Variants in FSHR observed in about 807,000 individuals in gnomAD.
FSHR encodes the protein follicle-stimulating hormone receptor.
FSHR carries 46 observed loss-of-function variants against 52.1 expected under a neutral mutation model. The observed-to-expected ratio is 0.88, with a 90% CI of 0.70 to 1.13. The LOEUF (loss-of-function observed/expected upper bound fraction) is 1.13. Ranked by LOEUF, FSHR falls within the 50% of genes most tolerant of loss-of-function variation. The pLI is 0.00. For missense variants in FSHR, 964 were observed against 834.6 expected, an observed-to-expected ratio of 1.16 and a Z score of -1.91; for synonymous variants, 399 against 309.6, an observed-to-expected ratio of 1.29 and a Z score of -3.03.
intron 1 of FSHR, among the ~76,000 whole-genome samples, chr2:49,139,229 C>A (rs1672590658): frequency 1.3e-5 from 2 of 152,186 alleles, no homozygotes; most frequent in Admixed American, 1.3e-4. Context: ...TGTCTACCAT[C>A]TATTTTGGGT....
At chr2:49,003,923 G>T (rs967921503) in intron 4 of FSHR, among the ~76,000 whole-genome samples, 2 of 152,146 alleles carry the variant, frequency 1.3e-5, no homozygotes, top group Non-Finnish European at 2.9e-5. Flanking sequence ...TCAATGTGTG[G>T]CCTGTCCCAG....
chr2:48,974,751 T>A (rs1674905935), intron 8 of FSHR, among the ~76,000 whole-genome samples: 1 of 59,876 alleles, frequency 1.7e-5, no homozygotes, highest in South Asian at 4.3e-4. Context: ...CATAGAAATT[T>A]ATATTAGCCA....
chr2:49,072,668 G>A (rs985764964), intron 1 of FSHR, among the ~76,000 whole-genome samples: 4 of 152,114 alleles, frequency 2.6e-5, no homozygotes, highest in Admixed American at 6.5e-5. Context: ...ATTAGATAAA[G>A]TTTAATCTAC....
intron 1 of FSHR, among the ~76,000 whole-genome samples, chr2:49,085,258 C>T (rs1341764049): frequency 6.6e-6 from 1 of 152,218 alleles, no homozygotes. Flanking sequence ...ATGATTATCT[C>T]GATAGATGCA....
At chr2:49,032,773 T>A (rs527539665) in intron 2 of FSHR, among the ~76,000 whole-genome samples, 2 of 152,298 alleles carry the variant, frequency 1.3e-5, no homozygotes, top group African/African-American at 4.8e-5. Flanking sequence ...TGGTGTTCCT[T>A]CAAGCACGCA....
At chr2:48,993,626 G>A (rs1675884368) in intron 4 of FSHR, among the ~76,000 whole-genome samples, 1 of 152,098 alleles carries the variant, frequency 6.6e-6, no homozygotes, top group East Asian at 1.9e-4. Context: ...TTACTCCTTT[G>A]CTGCTAAGGC....
chr2:48,991,509 T>C (rs1675778013), intron 4 of FSHR, among the ~76,000 whole-genome samples: 1 of 152,118 alleles, frequency 6.6e-6, no homozygotes, highest in Admixed American at 6.5e-5. Flanking sequence ...GGTGACCCTA[T>C]GGTGTTAATT....
chr2:49,079,150 C>T (rs12622919), intron 1 of FSHR, among the ~76,000 whole-genome samples: 38,283 of 151,528 alleles, frequency 0.25, 5,143 homozygotes, highest in East Asian at 0.47. Context: ...AAAGTTATAC[C>T]ATATCAAGAA....
chr2:49,094,928 G>C (rs564540203), intron 1 of FSHR, among the ~76,000 whole-genome samples: 1 of 150,656 alleles, frequency 6.6e-6, no homozygotes, highest in Non-Finnish European at 1.5e-5. Flanking sequence ...GAAGAGAGAA[G>C]ACCCAAATTA....
chr2:48,981,739 T>C (rs1364228371), intron 8 of FSHR, among the ~76,000 whole-genome samples: 1 of 152,244 alleles, frequency 6.6e-6, no homozygotes, highest in Non-Finnish European at 1.5e-5. Flanking sequence ...AGTCTAATTC[T>C]AGAGGTACAC....
intron 4 of FSHR, among the ~76,000 whole-genome samples, chr2:49,015,509 C>T (rs72827257): frequency 0.047 from 7,082 of 152,192 alleles, 534 homozygotes; most frequent in East Asian, 0.23. Flanking sequence ...AAGCCATGTG[C>T]GTCTCTCAGA....
At chr2:49,087,745 G>C (rs1165206027) in intron 1 of FSHR, among the ~76,000 whole-genome samples, 1 of 152,180 alleles carries the variant, frequency 6.6e-6, no homozygotes, top group Non-Finnish European at 1.5e-5. Context: ...GGCGAAAGAT[G>C]TGGGAGAGGA....
chr2:48,962,670 C>T lies in FSHR; in HGVS notation c.*63G>A, dbSNP rs1674278492. 3.3e-6 allele frequency: 5 copies of T among 1,503,356 alleles called. No individual in the cohort carries two copies. Among genetic ancestry groups the T allele is most frequent in the Non-Finnish European group, 4.6e-6 (5 of 1,081,058 alleles). 93.1% of individuals were successfully genotyped at this position (1,503,356 alleles called of 1,614,324 possible). On this transcript the variant is annotated 3_prime_UTR_variant, in exon 10 of 10. Transcript: ENST00000406846. ...TAGAAGCACTGTCAGCTCTTTGTGA[C>T]ATACCCTTCAAAGGCAAGACTGAAT... is the stretch of plus-strand genomic sequence containing the variant.
At chr2:49,023,303 C>A (rs982913221) in intron 2 of FSHR, among the ~76,000 whole-genome samples, 2 of 152,136 alleles carry the variant, frequency 1.3e-5, no homozygotes, top group African/African-American at 4.8e-5. Context: ...GTATCTCTAG[C>A]ATCTAGTGAT....
intron 1 of FSHR, among the ~76,000 whole-genome samples, chr2:49,095,705 T>G (rs999180847): frequency 1.3e-5 from 2 of 152,112 alleles, no homozygotes; most frequent in Non-Finnish European, 2.9e-5. Context: ...AATAAAATAT[T>G]TGCAAATCAT....
At chr2:49,022,291 G>C (rs201785248) in intron 2 of FSHR, among the ~76,000 whole-genome samples, 1 of 119,816 alleles carries the variant, frequency 8.3e-6, no homozygotes, top group African/African-American at 3.1e-5. Context: ...TTAGAACAAA[G>C]TAAAGAAACA....
At chr2:49,007,332 C>T (rs1296148630) in intron 4 of FSHR, among the ~76,000 whole-genome samples, 1 of 152,106 alleles carries the variant, frequency 6.6e-6, no homozygotes, top group Non-Finnish European at 1.5e-5. Flanking sequence ...CTGTGTGTCC[C>T]TCCTACTGTG....
chr2:49,071,728 T>A (rs932472149), intron 1 of FSHR, among the ~76,000 whole-genome samples: 3 of 152,188 alleles, frequency 2.0e-5, no homozygotes, highest in African/African-American at 7.2e-5. Flanking sequence ...AGCATCTGCT[T>A]CTGGTGAGGG....
intron 1 of FSHR, among the ~76,000 whole-genome samples, chr2:49,089,892 A>T (rs1212094170): frequency 6.6e-6 from 1 of 152,152 alleles, no homozygotes; most frequent in Admixed American, 6.5e-5. Flanking sequence ...TCTAATCCCG[A>T]ACTGTGTGTG....
Sources: gnomAD v4.1 joint callset for allele counts (sites outside exome capture counted in the v4.1 genomes callset) on GRCh38, gnomAD v4.1.1 for gene constraint, MANE v1.5 for transcripts, NCBI Gene and HGNC (gene_info 2026-07-23, HGNC 2026-07-21) for gene names.